The following ITGA7 variants were observed in gnomAD, a reference collection of about 807,000 sequenced individuals.
The protein encoded by ITGA7 is integrin alpha-7.
A neutral mutation model predicts 131.6 loss-of-function variants in ITGA7; 84 were observed. That is an observed-to-expected ratio of 0.64 (90% CI 0.54 to 0.77). The LOEUF (loss-of-function observed/expected upper bound fraction) is 0.77. ITGA7 is among the 30% of genes least tolerant of loss of function. The probability of loss-of-function intolerance (pLI) is 0.00; values close to 1 mark genes in which losing one functional copy is unlikely to be tolerated. For synonymous variants in ITGA7, 548 were observed against 600.7 expected, an observed-to-expected ratio of 0.91 and a Z score of 1.28; for missense variants, 1,399 against 1,482.9, an observed-to-expected ratio of 0.94 and a Z score of 0.93.
At chr12:55,693,912 GC>G in intron 19 of ITGA7, 108 bp downstream of exon 19, 1 of 883,900 alleles carries the variant, frequency 1.1e-6, no homozygotes, top group South Asian at 1.4e-5. Flanking sequence ...GCCTCAAACT[GC>G]ATGCTGCCAC....
chr12:55,686,142 T>C, intron 24 of ITGA7: 1 of 953,036 alleles, frequency 1.0e-6, no homozygotes, highest in Non-Finnish European at 1.5e-6. Context: ...GGAATTCTCC[T>C]TATATTCACA....
At chr12:55,715,844 G>A (rs1268579161), upstream of ITGA7, 2 of 598,616 alleles carry the variant, frequency 3.3e-6, no homozygotes, top group Non-Finnish European at 5.4e-6. Context: ...AGCCCTCGAA[G>A]CCTGAGATCC....
intron 1 of ITGA7, among the ~76,000 whole-genome samples, chr12:55,703,417 T>TACACACACACACACACAC (rs57311080): frequency 6.7e-6 from 1 of 148,784 alleles, no homozygotes; most frequent in Admixed American, 6.7e-5. Context: ...ACACAGTAGA[T>TACACACACACACACACAC]ACACACACAC....
In ITGA7 at chr12:55,694,303, G is replaced by C; in HGVS notation, c.2385C>G (p.Val795=). 5.6e-6 allele frequency: 9 copies of C among 1,613,980 alleles called. No homozygotes were observed. Among genetic ancestry groups the C allele is most frequent in the Non-Finnish European group, 7.6e-6 (9 of 1,180,034 alleles). Residue 795 remains valine (V), a synonymous_variant, in exon 18 of 25, where the codon GTC becomes GTG. Transcript: ENST00000257879. This position sits in a 1 kb window ranked among gnomAD's most constrained non-coding sequence, Gnocchi z 5.3. ...ATISEQELHP[V]SARARVFIEL... ...CAATGAAGACACGGGCTCGTGCAGAGACTGGATGCAGCTCCTGCTCACTGA... is the reference window on the plus strand; with the variant it reads ...CAATGAAGACACGGGCTCGTGCAGACACTGGATGCAGCTCCTGCTCACTGA...
chr12:55,684,942 C>T lies in ITGA7; in HGVS notation c.*116G>A, dbSNP rs1869738320. On this transcript the variant is annotated 3_prime_UTR_variant, in exon 25 of 25. Coordinates refer to ENST00000257879, the MANE Select transcript of ITGA7 (RefSeq NM_002206.3). ...GAGAGGTCTGTGCCCCTGAGGAAGC[C>T]GATCCTGCCAAATCTTGATGCGACA... The T allele has an allele frequency of 9.2e-6, 8 of 873,592 alleles. No individual in the cohort carries two copies. Among genetic ancestry groups the T allele is most frequent in the Admixed American group, 2.9e-5 (1 of 34,614 alleles). 54.1% of individuals were successfully genotyped at this position (873,592 alleles called of 1,614,324 possible).
Position 55,694,176 on chromosome 12 carries a change from G to T in ITGA7, c.2433-53C>A. The T allele has an allele frequency of 6.2e-7, 1 of 1,608,670 alleles. No homozygotes were observed. Among genetic ancestry groups the T allele is most frequent in the Admixed American group, 1.7e-5 (1 of 60,016 alleles). Reference sequence around the variant, plus strand: ...GAGAAGGTCTGGGGCCTGGCTCAATGAAGGCAGGGCCCTGGCCAAGGTTTG... The same window carrying T: ...GAGAAGGTCTGGGGCCTGGCTCAATTAAGGCAGGGCCCTGGCCAAGGTTTG... On this transcript the variant is annotated intron_variant, in intron 18 of 24. Transcript: ENST00000257879. The surrounding 1 kb of genome is among the most constrained non-coding windows in gnomAD (Gnocchi z 5.3).
intron 21 of ITGA7, among the ~76,000 whole-genome samples, chr12:55,689,300 T>G (rs1276561392): frequency 6.6e-6 from 1 of 152,152 alleles, no homozygotes; most frequent in East Asian, 1.9e-4. Flanking sequence ...AAGGTGCACA[T>G]TATCATCCTC....
chr12:55,700,538 G>T (rs1428176221), intron 4 of ITGA7: 7 of 970,022 alleles, frequency 7.2e-6, no homozygotes, highest in Non-Finnish European at 6.1e-6. Context: ...GGCTTCCTGG[G>T]GTCCCCCAGA....
In ITGA7 at chr12:55,685,086, T is replaced by C. The variant is rs377711492; in HGVS notation, c.3386A>G (p.Asp1129Gly). 3.7e-6 allele frequency: 6 copies of C among 1,601,062 alleles called. No individual in the cohort carries two copies. The highest frequency in any genetic ancestry group is 5.1e-6 in the Non-Finnish European group (6 of 1,175,432). ...AADGHPELGP[D>G]GHPGPGTA Reference sequence around the variant, plus strand: ...GGCGGTGCCTGGCCCTGGATGCCCATCGGGGCCCAGCTCGGGATGCCCGTC... The same window carrying C: ...GGCGGTGCCTGGCCCTGGATGCCCACCGGGGCCCAGCTCGGGATGCCCGTC... Residue 1129 changes from aspartate to glycine, a missense_variant, in exon 25 of 25, where the codon GAT becomes GGT. Physicochemically the swap from Asp to Gly is moderately conservative, Grantham distance 94. Transcript: ENST00000257879.
Position 55,698,838 on chromosome 12 carries a change from G to A in ITGA7, c.870C>T (p.His290=). 3 of 1,613,894 alleles carry A rather than the reference G, an allele frequency of 1.9e-6. No individual in the cohort carries two copies. The highest frequency in any genetic ancestry group is 2.5e-6 in the Non-Finnish European group (3 of 1,179,980). ...TGCGCAGGATGACCACAGCACCCTT[G>A]TGGTTGGCGCGGGGGGCTCCAGCCA... ...SFVAGAPRAN[H]KGAVVILRKD... Residue 290 remains histidine (H), a synonymous_variant, in exon 6 of 25, where the codon CAC becomes CAT. Coordinates refer to ENST00000257879, the MANE Select transcript of ITGA7 (RefSeq NM_002206.3).
Position 55,707,823 on chromosome 12 carries a change from C to CAGA in ITGA7, c.-142_-141insTCT. On this transcript the variant is annotated 5_prime_UTR_variant, in exon 1 of 25. Transcript: ENST00000257879. ...CTCCCAGACGTTCGCCCCGCCAGCC[C>CAGA]TCCCGCCCGCCCGCCGCTCCGCCAC... 6.9e-7 allele frequency: 1 copy of CAGA among 1,456,444 alleles called. No homozygotes were observed. Among genetic ancestry groups the CAGA allele is most frequent in the Non-Finnish European group, 9.1e-7 (1 of 1,098,108 alleles). The allele number at this position is 1,456,444 out of a possible 1,614,324, so 90.2% of individuals were successfully genotyped here. A position where few individuals can be genotyped will look rare whatever the true frequency, so the allele number is the denominator to read the frequency against.
upstream of ITGA7, chr12:55,712,166 G>GGAATTCAGTCCT: frequency 6.4e-7 from 1 of 1,551,426 alleles, no homozygotes; most frequent in Non-Finnish European, 8.7e-7. Context: ...TGTGATTGAG[G>GGAATTCAGTCCT]GAATTCAGTG....
Position 55,694,048 on chromosome 12 carries a change from C to T in ITGA7, c.2508G>A (p.Val836=), listed in dbSNP as rs746563582. ...GERAMQSERD[V]GSKVKYEVTV... ...TGACCTCATACTTGACCTTGCTGCC[C>T]ACATCCCGCTCAGACTGCATGGCTC... Residue 836 remains valine, a synonymous_variant, in exon 19 of 25, where the codon GTG becomes GTA. Transcript: ENST00000257879. This position sits in a 1 kb window ranked among gnomAD's most constrained non-coding sequence, Gnocchi z 5.3. 1 of 1,614,060 alleles carries T rather than the reference C, an allele frequency of 6.2e-7. No homozygotes were observed. Among genetic ancestry groups the T allele is most frequent in the East Asian group, 2.2e-5 (1 of 44,874 alleles).
At chr12:55,714,283 C>G (rs1331416763), upstream of ITGA7, among the ~76,000 whole-genome samples, 5 of 151,908 alleles carry the variant, frequency 3.3e-5, no homozygotes, top group African/African-American at 1.2e-4. Context: ...GAGGCCGAGG[C>G]GGGCGGATCA....
intron 24 of ITGA7, among the ~76,000 whole-genome samples, chr12:55,687,688 C>T (rs1372433262): frequency 6.6e-6 from 1 of 151,980 alleles, no homozygotes; most frequent in Non-Finnish European, 1.5e-5. Flanking sequence ...TGGGGTTTCA[C>T]CATGTTGTCC....
intron 21 of ITGA7, among the ~76,000 whole-genome samples, chr12:55,689,487 G>T (rs910001347): frequency 5.3e-5 from 8 of 152,166 alleles, no homozygotes; most frequent in Admixed American, 2.6e-4. Flanking sequence ...GTAGCCTCAG[G>T]AGCTCCTGGG....
At chr12:55,687,238 C>T (rs1157034559) in intron 24 of ITGA7, among the ~76,000 whole-genome samples, 5 of 138,256 alleles carry the variant, frequency 3.6e-5, no homozygotes, top group Admixed American at 8.1e-5. Flanking sequence ...AGTGCAGTGG[C>T]GCAATCTTGG....
rs143929243 is a variant in ITGA7, at chr12:55,694,289, C to T, written c.2399G>A (p.Arg800His). The T allele has an allele frequency of 7.2e-5, 116 of 1,614,050 alleles. No homozygotes were observed. The highest frequency in any genetic ancestry group is 3.3e-4 in the African/African-American group (25 of 75,074). Residue 800 changes from arginine (R) to histidine (H), a missense_variant, in exon 18 of 25, where the codon CGT becomes CAT. Arg to His is a conservative substitution (Grantham distance 29). Transcript: ENST00000257879. The surrounding 1 kb of genome is among the most constrained non-coding windows in gnomAD (Gnocchi z 5.3). ...QELHPVSARA[R>H]VFIELPLSIA... is the part of the protein sequence containing the mutation. ...GGACAGTGGCAGCTCAATGAAGACA[C>T]GGGCTCGTGCAGAGACTGGATGCAG...
Position 55,694,383 on chromosome 12 carries a change from G to A in ITGA7, c.2358-53C>T. ...GCATCAGGCACAGGCACCTCCCAAG[G>A]GGTCAGATGAGGTCAATATGACTAC... On this transcript the variant is annotated intron_variant, in intron 17 of 24. Coordinates refer to ENST00000257879, the MANE Select transcript of ITGA7 (RefSeq NM_002206.3). This position sits in a 1 kb window ranked among gnomAD's most constrained non-coding sequence, Gnocchi z 5.3. 1 of 1,612,876 alleles carries A rather than the reference G, an allele frequency of 6.2e-7. No individual in the cohort carries two copies. Among genetic ancestry groups the A allele is most frequent in the Non-Finnish European group, 8.5e-7 (1 of 1,179,090 alleles).
Sources: gnomAD v4.1 joint callset for allele counts (sites outside exome capture counted in the v4.1 genomes callset) on GRCh38, gnomAD v4.1.1 for gene constraint, Gnocchi (gnomAD v3.1) non-coding constraint, MANE v1.5 for transcripts, NCBI Gene and HGNC (gene_info 2026-07-23, HGNC 2026-07-21) for gene names.